PPP1R16B: variants seen among roughly 807,000 people sequenced by gnomAD.
The protein encoded by PPP1R16B is protein phosphatase 1 regulatory subunit 16B, also known as protein phosphatase 1 regulatory inhibitor subunit 16B.
A neutral mutation model predicts 61.7 loss-of-function variants in PPP1R16B; 14 were observed. That is an observed-to-expected ratio of 0.23 (90% CI 0.15 to 0.35). The LOEUF (loss-of-function observed/expected upper bound fraction) is 0.35, where lower values mean the gene tolerates loss of function less well. PPP1R16B is among the 10% of genes least tolerant of loss of function. The pLI, the probability that PPP1R16B is intolerant of heterozygous loss-of-function variation, is 1.00. For synonymous variants in PPP1R16B, 266 were observed against 305.3 expected, an observed-to-expected ratio of 0.87 and a Z score of 1.34; for missense variants, 547 against 752.5, an observed-to-expected ratio of 0.73 and a Z score of 3.19.
At chr20:38,830,937 A>C (rs908737886) in intron 1 of PPP1R16B, among the ~76,000 whole-genome samples, 54 of 152,306 alleles carry the variant, frequency 3.5e-4, no homozygotes, top group Admixed American at 3.1e-3. Context: ...TGTTTTTGGT[A>C]CCTTCCACTC....
At chr20:38,894,259 G>A (rs921395957) in intron 3 of PPP1R16B, among the ~76,000 whole-genome samples, 10 of 152,100 alleles carry the variant, frequency 6.6e-5, no homozygotes, top group Non-Finnish European at 1.5e-5. Context: ...GGGCTGTGGT[G>A]CCGCCCCATC....
intron 1 of PPP1R16B, among the ~76,000 whole-genome samples, chr20:38,829,982 T>C (rs1016310865): frequency 6.6e-6 from 1 of 152,228 alleles, no homozygotes; most frequent in Non-Finnish European, 1.5e-5. Context: ...TTACTGGCCC[T>C]TGGGAGACAT....
chr20:38,835,513 A>G (rs2084863529), intron 1 of PPP1R16B, among the ~76,000 whole-genome samples: 1 of 152,244 alleles, frequency 6.6e-6, no homozygotes, highest in African/African-American at 2.4e-5. Flanking sequence ...CTTTATCTGC[A>G]TTGTCCAGTA....
At chr20:38,844,399 C>A (rs925458249) in intron 2 of PPP1R16B, among the ~76,000 whole-genome samples, 1 of 152,152 alleles carries the variant, frequency 6.6e-6, no homozygotes, top group Admixed American at 6.5e-5. Context: ...GGAAAAAAAA[C>A]ACTGCCTGTT....
intron 1 of PPP1R16B, among the ~76,000 whole-genome samples, chr20:38,819,279 A>G (rs902577641): frequency 5.9e-5 from 9 of 152,142 alleles, no homozygotes; most frequent in African/African-American, 2.2e-4. Context: ...TACATGAAAT[A>G]GTATGAGTAG....
At chr20:38,896,046 T>C (rs141776229) in intron 4 of PPP1R16B, among the ~76,000 whole-genome samples, 8 of 124,030 alleles carry the variant, frequency 6.5e-5, no homozygotes, top group African/African-American at 3.1e-4. Flanking sequence ...TTCTTTCTTT[T>C]CTCCCTTCCT....
chr20:38,822,985 T>C (rs1018756432), intron 1 of PPP1R16B, among the ~76,000 whole-genome samples: 3 of 152,136 alleles, frequency 2.0e-5, no homozygotes, highest in Non-Finnish European at 4.4e-5. Context: ...AGAGAAGTTA[T>C]CATGTTCAAA....
intron 10 of PPP1R16B, among the ~76,000 whole-genome samples, chr20:38,915,826 A>G (rs1181224173): frequency 1.3e-5 from 2 of 151,936 alleles, no homozygotes; most frequent in Admixed American, 6.6e-5. Context: ...GATGATGCCA[A>G]TGTGCATCCA....
At chr20:38,902,335 T>A (rs2085400937) in intron 5 of PPP1R16B, among the ~76,000 whole-genome samples, 1 of 152,158 alleles carries the variant, frequency 6.6e-6, no homozygotes, top group Non-Finnish European at 1.5e-5. Flanking sequence ...GATGATCCAG[T>A]CCAGGACCTA....
At chr20:38,883,654 T>C (rs2085219863) in intron 2 of PPP1R16B, among the ~76,000 whole-genome samples, 1 of 152,202 alleles carries the variant, frequency 6.6e-6, no homozygotes, top group Non-Finnish European at 1.5e-5. Context: ...CAGCATATGC[T>C]CAGAGCTCCC....
At chr20:38,915,036 G>A (rs993504752) in intron 10 of PPP1R16B, among the ~76,000 whole-genome samples, 1 of 151,960 alleles carries the variant, frequency 6.6e-6, no homozygotes, top group African/African-American at 2.4e-5. Flanking sequence ...AGAAAAATGA[G>A]TGGAAAGTAC....
intron 7 of PPP1R16B, 77 bp from the exon 8 acceptor site, chr20:38,906,902 C>G: frequency 8.1e-7 from 1 of 1,234,628 alleles, no homozygotes; most frequent in Non-Finnish European, 1.2e-6. Context: ...TCCTAAGAGG[C>G]CTTGGGCACT....
rs756483227 is a variant in PPP1R16B at position 38,895,573 on chromosome 20, C to T, written c.330C>T (p.Ile110=). 256 of 1,613,684 alleles carry T rather than the reference C, an allele frequency of 1.6e-4. No individual in the cohort carries two copies. The highest frequency in any genetic ancestry group is 1.9e-4 in the Non-Finnish European group (229 of 1,179,752). ...DGLTALHQCC[I]DNFEEIVKLL... is the part of the protein sequence containing the mutation. ...CTGTGTGTCTCTCCCAGTGCTGCAT[C>T]GACAACTTTGAGGAAATTGTGAAGC... is the stretch of plus-strand genomic sequence containing the variant. Residue 110 remains isoleucine, a synonymous_variant, in exon 4 of 11, where the codon ATC becomes ATT. Transcript: ENST00000299824.
intron 1 of PPP1R16B, among the ~76,000 whole-genome samples, chr20:38,821,302 CAT>C (rs1248730607): frequency 6.6e-6 from 1 of 152,210 alleles, no homozygotes; most frequent in African/African-American, 2.4e-5. Context: ...AGAATGTTCA[CAT>C]GTGTCAAACC....
At chr20:38,896,159 CTCCCTTCCTTCCTTCTTTCT>C (rs1568679514) in intron 4 of PPP1R16B, among the ~76,000 whole-genome samples, 7 of 118,720 alleles carry the variant, frequency 5.9e-5, no homozygotes, top group Non-Finnish European at 5.2e-5. Flanking sequence ...TTCTTCCTCC[CTCCCTTCCTTCCTTCTTTCT>C]TCCCTCCCTT....
chr20:38,882,981 T>TC, intron 2 of PPP1R16B, among the ~76,000 whole-genome samples: 1 of 152,176 alleles, frequency 6.6e-6, no homozygotes, highest in African/African-American at 2.4e-5. Flanking sequence ...GGGAGGGATT[T>TC]CCAGGTAAGG....
intron 2 of PPP1R16B, among the ~76,000 whole-genome samples, chr20:38,857,877 G>A (rs551188061): frequency 8.0e-4 from 121 of 151,974 alleles, no homozygotes; most frequent in Middle Eastern, 3.4e-3. Context: ...GAGAACTTCA[G>A]TTGGGCACTA....
At position 38,835,981 on chromosome 20, in the gene PPP1R16B, C is replaced by G; in HGVS notation, c.56C>G (p.Thr19Arg). 1 of 1,553,946 alleles carries G rather than the reference C, an allele frequency of 6.4e-7. No individual in the cohort carries two copies. Among genetic ancestry groups the G allele is most frequent in the African/African-American group, 1.4e-5 (1 of 73,456 alleles). ...TELQLLEKVPTLERLRAAQKR... is the reference protein window; with the variant it reads ...TELQLLEKVPRLERLRAAQKR... ...CTGCAGCTGCTGGAGAAGGTGCCCA[C>G]GCTGGAGCGGCTGCGGGCTGCCCAG... The change falls in exon 2 of 11, where the codon ACG becomes AGG. Residue 19 changes from threonine (T) to arginine (R), a missense_variant. By Grantham distance (71) the Thr-to-Arg change is moderately conservative. Transcript: ENST00000299824.
At chr20:38,831,047 T>G (rs1340216679) in intron 1 of PPP1R16B, among the ~76,000 whole-genome samples, 1 of 152,164 alleles carries the variant, frequency 6.6e-6, no homozygotes, top group African/African-American at 2.4e-5. Flanking sequence ...CTGACACGGG[T>G]GGACATTTTA....
Sources: allele counts gnomAD v4.1 joint callset (sites outside exome capture counted in the v4.1 genomes callset), GRCh38; gene constraint gnomAD v4.1.1; transcripts MANE v1.5; gene names NCBI Gene and HGNC (gene_info 2026-07-23, HGNC 2026-07-21).